The following ZNF568 variants were observed in gnomAD, a reference collection of about 807,000 sequenced individuals.
ZNF568 encodes the protein zinc finger protein 568, also known as p53 inhibitor of SCO2 activation.
ZNF568 carries 11 observed loss-of-function variants against 18.1 expected under a neutral mutation model. The observed-to-expected ratio is 0.61, with a 90% CI of 0.38 to 1.00. ZNF568 has a LOEUF of 1.00. Among genes scored for constraint, ZNF568 ranks in the 50% least tolerant of loss-of-function variants. ZNF568 has a pLI of 0.01. For synonymous variants in ZNF568, 213 were observed against 246.6 expected, an observed-to-expected ratio of 0.86 and a Z score of 1.28; for missense variants, 639 against 768.2, an observed-to-expected ratio of 0.83 and a Z score of 1.99.
intron 4 of ZNF568, among the ~76,000 whole-genome samples, chr19:36,995,548 G>A (rs1177392769): frequency 1.3e-5 from 2 of 152,034 alleles, no homozygotes; most frequent in African/African-American, 4.8e-5. Flanking sequence ...ACACTGATGG[G>A]GTAGGATTTA....
At chr19:36,933,814 T>C (rs574598631) in intron 4 of ZNF568, among the ~76,000 whole-genome samples, 2 of 151,770 alleles carry the variant, frequency 1.3e-5, no homozygotes, top group Admixed American at 6.6e-5. Context: ...TGGAAGAGTT[T>C]GTAAATAAGT....
intron 6 of ZNF568, among the ~76,000 whole-genome samples, chr19:36,940,830 A>G (rs1052826447): frequency 1.3e-5 from 2 of 152,182 alleles, no homozygotes; most frequent in African/African-American, 4.8e-5. Context: ...GCTTATTTAG[A>G]CTTATTAAAA....
chr19:36,948,249 C>A (rs1459490201), intron 6 of ZNF568, among the ~76,000 whole-genome samples: 1 of 152,112 alleles, frequency 6.6e-6, no homozygotes, highest in Non-Finnish European at 1.5e-5. Context: ...CAATGGGTTT[C>A]TTTTACTTAG....
At chr19:36,947,265 C>G (rs538356436) in intron 6 of ZNF568, among the ~76,000 whole-genome samples, 1 of 151,718 alleles carries the variant, frequency 6.6e-6, no homozygotes, top group East Asian at 1.9e-4. Flanking sequence ...CCACCTGCCT[C>G]GGCCTCCCAA....
chr19:36,982,392 C>G (rs2074338907), downstream of ZNF568, among the ~76,000 whole-genome samples: 1 of 152,034 alleles, frequency 6.6e-6, no homozygotes, highest in African/African-American at 2.4e-5. Context: ...TTTAAAATGC[C>G]TTTTCTGCAT....
intron 6 of ZNF568, among the ~76,000 whole-genome samples, chr19:36,937,950 A>C (rs1246478827): frequency 6.6e-6 from 1 of 152,192 alleles, no homozygotes. Flanking sequence ...TATCCTGGAC[A>C]TGGTCCCTTC....
At chr19:36,956,615 T>A (rs905620364), downstream of ZNF568, among the ~76,000 whole-genome samples, 2 of 151,774 alleles carry the variant, frequency 1.3e-5, no homozygotes, top group African/African-American at 4.8e-5. Context: ...TTTTTTTTTT[T>A]GAGACAGGGT....
chr19:36,995,531 A>G (rs1017495387), intron 4 of ZNF568, among the ~76,000 whole-genome samples: 13 of 152,158 alleles, frequency 8.5e-5, no homozygotes, highest in Admixed American at 2.0e-4. Flanking sequence ...ATATGTTTAC[A>G]TTTAATACAC....
At chr19:36,948,709 T>A (rs2074008645) in intron 6 of ZNF568, among the ~76,000 whole-genome samples, 1 of 140,628 alleles carries the variant, frequency 7.1e-6, no homozygotes, top group Non-Finnish European at 1.5e-5. Flanking sequence ...GATGATCACA[T>A]CACCTGTGAA....
intron 3 of ZNF568, 77 bp downstream of exon 3, chr19:36,922,923 C>A: frequency 1.5e-6 from 2 of 1,312,304 alleles, no homozygotes; most frequent in Non-Finnish European, 2.2e-6. Context: ...AAATTCATTA[C>A]TCCTACTGAG....
intron 3 of ZNF568, among the ~76,000 whole-genome samples, chr19:36,924,603 T>G (rs1202495314): frequency 2.7e-5 from 4 of 147,900 alleles, no homozygotes; most frequent in Admixed American, 6.7e-5. Flanking sequence ...CCGAGGCAAA[T>G]GGATCCCTTG....
intron 6 of ZNF568, among the ~76,000 whole-genome samples, chr19:36,939,917 A>G (rs141724980): frequency 6.6e-6 from 1 of 152,228 alleles, no homozygotes. Context: ...ATTCTACCAT[A>G]TTGAAACAGG....
rs1236577770 is a variant in ZNF568, at chr19:36,991,549, A to G, written c.134-202A>G. 15 of 633,094 alleles carry G rather than the reference A, an allele frequency of 2.4e-5. No individual in the cohort carries two copies. The Middle Eastern group carries it at 8.0e-4, about 34-fold the overall frequency. The allele number at this position is 633,094 out of a possible 1,614,324, so 39.2% of individuals were successfully genotyped here. The stretch of plus-strand genomic sequence containing the variant: ...GGAGCTGTGATTTGATGAAGTGGAA[A>G]TGAATGGTTAAGTGGAATCACATAT... On this transcript the variant is annotated intron_variant, in intron 3 of 4. Coordinates refer to the ZNF568 transcript ENST00000433993.
chr19:36,991,329 C>A, intron 3 of ZNF568: 1 of 1,501,550 alleles, frequency 6.7e-7, no homozygotes, highest in South Asian at 1.3e-5. Context: ...CGTACACCCC[C>A]TGCCCCGCCA....
intron 6 of ZNF568, among the ~76,000 whole-genome samples, chr19:36,942,171 G>A (rs1462981127): frequency 6.6e-6 from 1 of 151,508 alleles, no homozygotes; most frequent in African/African-American, 2.4e-5. Context: ...TAGTAGAGAT[G>A]GGGTTTCACC....
At chr19:36,997,237 T>G (rs1449092311), downstream of ZNF568, 1 of 1,608,586 alleles carries the variant, frequency 6.2e-7, no homozygotes, top group East Asian at 2.2e-5. Context: ...TGGGAAAGCC[T>G]TTATCTCTGA....
chr19:36,984,523 ACC>A (rs1301891092), downstream of ZNF568, among the ~76,000 whole-genome samples: 1 of 152,098 alleles, frequency 6.6e-6, no homozygotes, highest in Non-Finnish European at 1.5e-5. Context: ...TCTTTTTTTA[ACC>A]CATAAGAAAT....
At chr19:36,917,050 G>T in intron 1 of ZNF568, among the ~76,000 whole-genome samples, 1 of 152,016 alleles carries the variant, frequency 6.6e-6, no homozygotes, top group South Asian at 2.1e-4. Flanking sequence ...GTTAGCTATT[G>T]CCATGATAAT....
intron 4 of ZNF568, among the ~76,000 whole-genome samples, chr19:36,927,621 T>C (rs968610582): frequency 6.6e-6 from 1 of 151,478 alleles, no homozygotes; most frequent in Non-Finnish European, 1.5e-5. Context: ...GGGCAATGAT[T>C]TCACCACTTC....
Sources: gnomAD v4.1 joint callset for allele counts (sites outside exome capture counted in the v4.1 genomes callset) on GRCh38, gnomAD v4.1.1 for gene constraint, MANE v1.5 for transcripts, NCBI Gene and HGNC (gene_info 2026-07-23, HGNC 2026-07-21) for gene names.